Variants in CLCN7 observed in about 807,000 individuals in gnomAD.
CLCN7 encodes H(+)/Cl(-) exchange transporter 7.
Under a neutral mutation model 102.1 loss-of-function variants are expected in CLCN7, and 60 were observed. The ratio of observed to expected loss-of-function variants is 0.59; its 90% CI spans 0.48 to 0.73. The LOEUF (loss-of-function observed/expected upper bound fraction) is 0.73, where lower values mean the gene tolerates loss of function less well. Ranked by LOEUF, CLCN7 falls within the 30% of genes least tolerant of loss-of-function variation. The pLI, the probability that CLCN7 is intolerant of heterozygous loss-of-function variation, is 0.00. For synonymous variants in CLCN7, 560 were observed against 490.5 expected (o/e 1.14, Z -1.87); for missense variants, 962 against 1,125.7 (o/e 0.85, Z 2.08).
chr16:1,451,660 C>A lies in CLCN7; in HGVS notation c.1410G>T (p.Pro470=). The A allele has an allele frequency of 6.2e-7, 1 of 1,612,704 alleles. No homozygotes were observed. The highest frequency in any genetic ancestry group is 1.6e-4 in the Middle Eastern group (1 of 6,062). Reference sequence around the variant, plus strand: ...GGAAGAGGCTCACCACGCTCTTCTCCGGGGTGTTGAAGAAGGCCGCAGCCA... The same window carrying A: ...GGAAGAGGCTCACCACGCTCTTCTCAGGGGTGTTGAAGAAGGCCGCAGCCA... ...NSMAAAFFNT[P]EKSVVSLFHD... is the part of the protein sequence containing the mutation. The change falls in exon 16 of 25, where the codon CCG becomes CCT. Residue 470 remains proline (P), a synonymous_variant. Transcript: ENST00000382745.
chr16:1,452,309 G>A (rs1010791827), intron 15 of CLCN7: 9 of 243,596 alleles, frequency 3.7e-5, no homozygotes, highest in Admixed American at 1.5e-4. Context: ...GGGCTACGTC[G>A]CGTGACCTCA....
At chr16:1,447,805 G>C in intron 21 of CLCN7, 91 bp from the exon 22 acceptor site, 1 of 1,412,166 alleles carries the variant, frequency 7.1e-7, no homozygotes, top group Non-Finnish European at 9.7e-7. Context: ...ACCCTGTTCC[G>C]GCCAGATTTC....
In CLCN7 at chr16:1,450,708, C is replaced by T. The variant is rs776600473; in HGVS notation, c.1448-42G>A. On this transcript the variant is annotated intron_variant, in intron 16 of 24. Coordinates refer to ENST00000382745, the MANE Select transcript of CLCN7 (RefSeq NM_001287.6). ...GCTGACGGGGCCTCCACGACTCCCG[C>T]CTCCGCAGGACTGCCCTGCCCCGCT... 1.6e-5 allele frequency: 19 copies of T among 1,191,538 alleles called. 1 individual carries two copies. The highest frequency in any genetic ancestry group is 1.9e-5 in the Non-Finnish European group (17 of 882,592). 73.8% of individuals were successfully genotyped at this position (1,191,538 alleles called of 1,614,324 possible).
chr16:1,474,870 C>A lies in CLCN7; in HGVS notation c.105G>T (p.Pro35=), dbSNP rs1200063388. The change falls in exon 1 of 25, where the codon CCG becomes CCT. Residue 35 remains proline, a synonymous_variant. Coordinates refer to ENST00000382745, the MANE Select transcript of CLCN7 (RefSeq NM_001287.6). ...CCCCAGGCCCAGCCCCGTTCAGCAG[C>A]GGCGTCCCCCCGCCGGGCCGCGCCG... ...RRTARPGGGT[P]LLNGAGPGAA... 3.5e-6 allele frequency: 5 copies of A among 1,442,198 alleles called. No homozygotes were observed. The highest frequency in any genetic ancestry group is 3.6e-6 in the Non-Finnish European group (4 of 1,099,744). 89.3% of individuals were successfully genotyped at this position (1,442,198 alleles called of 1,614,324 possible). A position where few individuals can be genotyped will look rare whatever the true frequency, so the allele number is the denominator to read the frequency against.
At position 1,447,180 on chromosome 16, in the gene CLCN7, G is replaced by A. The variant is rs966132419; in HGVS notation, c.2251-94C>T. 6.6e-5 allele frequency: 84 copies of A among 1,276,098 alleles called. No individual in the cohort carries two copies. In the African/African-American group the frequency reaches 9.2e-4, roughly 14 times the overall value. The allele number at this position is 1,276,098 out of a possible 1,614,324, so 79.0% of individuals were successfully genotyped here. ...GGCTCCCTGCACCCCCCACCACGGC[G>A]TCCAGGCACGTCCTGAGCCCCCACG... On this transcript the variant is annotated intron_variant, in intron 23 of 24. Transcript: ENST00000382745.
rs748504063 is a variant in CLCN7, at chr16:1,453,887, C to T, written c.1161G>A (p.Val387=). 3 of 1,613,204 alleles carry T rather than the reference C, an allele frequency of 1.9e-6. 1 individual carries two copies. The highest frequency in any genetic ancestry group is 2.2e-5 in the South Asian group (2 of 91,090). The stretch of plus-strand genomic sequence containing the variant: ...TCAAGGCATTGAACACTGCTCCAAG[C>T]ACACCGCCTGCGAACAGGGGAAAGG... ...VFIAMGVVGG[V]LGAVFNALNY... The change falls in exon 14 of 25, where the codon GTG becomes GTA. Residue 387 remains valine, a synonymous_variant. Coordinates refer to ENST00000382745, the MANE Select transcript of CLCN7 (RefSeq NM_001287.6).
chr16:1,456,845 A>G (rs550190051), intron 9 of CLCN7, among the ~76,000 whole-genome samples: 14 of 152,138 alleles, frequency 9.2e-5, no homozygotes, highest in Admixed American at 9.2e-4. Context: ...TCTCAAAAAA[A>G]AAAAAAAAAT....
intron 15 of CLCN7, 170 bp from the exon 16 acceptor site, chr16:1,451,886 G>C (rs1027055937): frequency 3.7e-5 from 24 of 640,990 alleles, no homozygotes; most frequent in Non-Finnish European, 6.9e-5. Flanking sequence ...AGGGCAAGGA[G>C]GACACACAAG....
Position 1,457,856 on chromosome 16 carries a change from G to A in CLCN7, c.676-100C>T. On this transcript the variant is annotated intron_variant, in intron 7 of 24. Transcript: ENST00000382745. This position sits in a 1 kb window ranked among gnomAD's most constrained non-coding sequence, Gnocchi z 5.4. ...CACACAGCCCCGATCAGGCAGAGTG[G>A]CTGGGACACGGGGCCTCCGGGAGGG... The A allele has an allele frequency of 1.6e-6, 2 of 1,232,410 alleles. No homozygotes were observed. Among genetic ancestry groups the A allele is most frequent in the South Asian group, 1.2e-5 (1 of 82,114 alleles). The allele number at this position is 1,232,410 out of a possible 1,614,324, so 76.3% of individuals were successfully genotyped here. A position where few individuals can be genotyped will look rare whatever the true frequency, so the allele number is the denominator to read the frequency against.
In CLCN7 at chr16:1,457,641, G is replaced by A. The variant is rs1367258937; in HGVS notation, c.738+53C>T. The A allele has an allele frequency of 3.1e-6, 5 of 1,589,376 alleles. No homozygotes were observed. Among genetic ancestry groups the A allele is most frequent in the African/African-American group, 1.3e-5 (1 of 74,402 alleles). ...GACACACATGGGCGTGGCGGCCCTC[G>A]CGGGCCCGGCGGCCTCAGGCTCCAG... is the stretch of plus-strand genomic sequence containing the variant. On this transcript the variant is annotated intron_variant, in intron 8 of 24. Coordinates refer to ENST00000382745, the MANE Select transcript of CLCN7 (RefSeq NM_001287.6). The surrounding 1 kb of genome is among the most constrained non-coding windows in gnomAD (Gnocchi z 5.4).
intron 15 of CLCN7, chr16:1,451,981 T>G (rs2038759135): frequency 1.3e-5 from 6 of 463,746 alleles, no homozygotes; most frequent in South Asian, 1.2e-4. Context: ...GGGGGTGGGT[T>G]AGCAGGACCA....
intron 20 of CLCN7, 71 bp downstream of exon 20, chr16:1,448,610 T>C (rs1331627374): frequency 1.4e-5 from 22 of 1,604,364 alleles, no homozygotes; most frequent in Middle Eastern, 1.8e-4. Flanking sequence ...CCGCAAGCCG[T>C]GCACCCTGCC....
chr16:1,457,450 A>C lies in CLCN7; in HGVS notation c.739-113T>G. 1.6e-6 allele frequency: 1 copy of C among 633,142 alleles called. No homozygotes were observed. The highest frequency in any genetic ancestry group is 2.9e-6 in the Non-Finnish European group (1 of 348,884). 39.2% of individuals were successfully genotyped at this position (633,142 alleles called of 1,614,324 possible). On this transcript the variant is annotated intron_variant, in intron 8 of 24. Coordinates refer to ENST00000382745, the MANE Select transcript of CLCN7 (RefSeq NM_001287.6). The surrounding 1 kb of genome is among the most constrained non-coding windows in gnomAD (Gnocchi z 5.4). ...GACGCGGCCCTTCCTGGAGACCAGA[A>C]GGACCGATGCTCAGAGACACGCGTG...
Position 1,460,942 on chromosome 16 carries a change from G to T in CLCN7, c.358C>A (p.Arg120=). ...EERRINHTAF[R]TVEIKRWVIC... ...ACCCAGCGCTTGATCTCCACCGTCC[G>T]GAAGGCCTGCAGGGCGCGGTCAGGG... The change falls in exon 5 of 25, where the codon CGG becomes AGG. Residue 120 remains arginine, a synonymous_variant. Transcript: ENST00000382745. 1 of 1,613,356 alleles carries T rather than the reference G, an allele frequency of 6.2e-7. No homozygotes were observed. Among genetic ancestry groups the T allele is most frequent in the Non-Finnish European group, 8.5e-7 (1 of 1,179,908 alleles).
Position 1,447,578 on chromosome 16 carries a change from G to A in CLCN7, c.2074-10C>T, listed in dbSNP as rs780467184. ...ACCGCTCCACAAACACCTGCGGGCG[G>A]CAGAGCCCTGTGTCAGGCACCCAGG... On this transcript the variant is annotated splice_polypyrimidine_tract_variant and intron_variant, in intron 22 of 24. Transcript: ENST00000382745. The A allele has an allele frequency of 1.9e-6, 3 of 1,553,578 alleles. No individual in the cohort carries two copies. Among genetic ancestry groups the A allele is most frequent in the South Asian group, 2.4e-5 (2 of 84,330 alleles).
At position 1,453,861 on chromosome 16, in the gene CLCN7, T is replaced by A; in HGVS notation, c.1187A>T (p.Asn396Ile). ...GVLGAVFNAL[N>I]YWLTMFRIRY... ...GATTCGAAACATGGTCAGCCAGTAG[T>A]TCAAGGCATTGAACACTGCTCCAAG... Residue 396 changes from asparagine (N) to isoleucine (I), a missense_variant, in exon 14 of 25, where the codon AAC (asparagine) becomes ATC (isoleucine). By Grantham distance (149) the Asn-to-Ile change is moderately radical. This residue lies in a region of CLCN7 where 799 missense variants were observed against 988.0 expected (regional missense o/e 0.81). Transcript: ENST00000382745. 6.2e-7 allele frequency: 1 copy of A among 1,613,376 alleles called. No individual in the cohort carries two copies. Among genetic ancestry groups the A allele is most frequent in the Non-Finnish European group, 8.5e-7 (1 of 1,180,038 alleles).
intron 1 of CLCN7, among the ~76,000 whole-genome samples, chr16:1,471,258 G>A (rs2039074094): frequency 1.3e-5 from 2 of 152,158 alleles, no homozygotes; most frequent in Admixed American, 1.3e-4. Context: ...ACGCTGAGGT[G>A]GCAACGACAC....
chr16:1,461,731 G>C, intron 2 of CLCN7, 57 bp from the exon 3 acceptor site: 2 of 1,403,916 alleles, frequency 1.4e-6, no homozygotes, highest in Non-Finnish European at 2.0e-6. Context: ...AAGGAGAGAG[G>C]CCCCTCTCAG....
chr16:1,474,188 T>C (rs957722945), intron 1 of CLCN7: 3 of 456,012 alleles, frequency 6.6e-6, no homozygotes, highest in African/African-American at 6.0e-5. Context: ...CAGGGTGACA[T>C]GCGGAACGCA....
Sources: gnomAD v4.1 joint callset for allele counts (sites outside exome capture counted in the v4.1 genomes callset) on GRCh38, gnomAD v4.1.1 for gene constraint, gnomAD v4.1.1 regional missense constraint, Gnocchi (gnomAD v3.1) non-coding constraint, MANE v1.5 for transcripts, NCBI Gene and HGNC (gene_info 2026-07-23, HGNC 2026-07-21) for gene names.